The following ATRNL1 variants were observed in gnomAD, a reference collection of about 807,000 sequenced individuals.
ATRNL1 encodes attractin like 1.
ATRNL1 carries 95 observed loss-of-function variants against 182.7 expected under a neutral mutation model. The observed-to-expected ratio is 0.52, with a 90% confidence interval of 0.44 to 0.62. The LOEUF is 0.62. ATRNL1 is among the 20% of genes least tolerant of loss of function. The pLI, the probability that ATRNL1 is intolerant of heterozygous loss-of-function variation, is 0.00. For missense variants in ATRNL1, 1,471 were observed against 1,679.5 expected (o/e 0.88, Z 2.17); for synonymous variants, 576 against 568.3 (o/e 1.01, Z -0.19).
At chr10:115,835,274 C>T (rs1950643643) in intron 27 of ATRNL1, among the ~76,000 whole-genome samples, 2 of 152,044 alleles carry the variant, frequency 1.3e-5, no homozygotes, top group South Asian at 4.1e-4. Context: ...GTGACCTCTT[C>T]CTCTGAAAGC....
At chr10:115,817,463 G>A (rs1950190976) in intron 27 of ATRNL1, among the ~76,000 whole-genome samples, 1 of 151,890 alleles carries the variant, frequency 6.6e-6, no homozygotes, top group South Asian at 2.1e-4. Context: ...CTAGGGCTCA[G>A]GCAAAAATGA....
chr10:115,649,722 C>G (rs1409249569), intron 26 of ATRNL1, among the ~76,000 whole-genome samples: 1 of 152,104 alleles, frequency 6.6e-6, no homozygotes, highest in East Asian at 1.9e-4. Context: ...ATAAAGTACA[C>G]TTTTAAGGGC....
intron 26 of ATRNL1, among the ~76,000 whole-genome samples, chr10:115,677,660 C>T (rs1324824653): frequency 6.6e-6 from 1 of 152,058 alleles, no homozygotes; most frequent in Non-Finnish European, 1.5e-5. Flanking sequence ...GCCTCCCTAG[C>T]TATATGGGAC....
At chr10:115,880,993 C>A (rs1287240131) in intron 28 of ATRNL1, among the ~76,000 whole-genome samples, 1 of 152,136 alleles carries the variant, frequency 6.6e-6, no homozygotes, top group African/African-American at 2.4e-5. Context: ...GTCCTAATCC[C>A]CCCGGGGTGA....
intron 19 of ATRNL1, among the ~76,000 whole-genome samples, chr10:115,387,881 C>T (rs1843747679): frequency 6.6e-6 from 1 of 152,160 alleles, no homozygotes; most frequent in Admixed American, 6.5e-5. Flanking sequence ...ACTCGTATCA[C>T]TACTGTAAAT....
chr10:115,578,397 G>C (rs1377208441), intron 26 of ATRNL1, among the ~76,000 whole-genome samples: 1 of 151,674 alleles, frequency 6.6e-6, no homozygotes, highest in Non-Finnish European at 1.5e-5. Context: ...TTTTGTTGCT[G>C]TTAGGAGGAT....
chr10:115,638,525 T>A (rs140347896), intron 26 of ATRNL1, among the ~76,000 whole-genome samples: 3,105 of 152,270 alleles, frequency 0.02, 58 homozygotes, highest in Middle Eastern at 0.044. Context: ...AAAAAGTAGT[T>A]AGTGGTTTCA....
At chr10:115,824,792 G>A (rs1337626350) in intron 27 of ATRNL1, among the ~76,000 whole-genome samples, 1 of 152,142 alleles carries the variant, frequency 6.6e-6, no homozygotes, top group Admixed American at 6.6e-5. Flanking sequence ...AAATAGGAGC[G>A]CTTGTACACT....
At chr10:115,865,928 G>A (rs1555104667) in intron 28 of ATRNL1, among the ~76,000 whole-genome samples, 2 of 152,122 alleles carry the variant, frequency 1.3e-5, no homozygotes, top group African/African-American at 4.8e-5. Flanking sequence ...TTTTGTTCAT[G>A]AGAATTGCCT....
intron 28 of ATRNL1, among the ~76,000 whole-genome samples, chr10:115,878,833 A>AC (rs1951757001): frequency 6.6e-6 from 1 of 152,186 alleles, no homozygotes; most frequent in South Asian, 2.1e-4. Context: ...CATGGTCTGT[A>AC]CTTGTAGAAA....
intron 27 of ATRNL1, among the ~76,000 whole-genome samples, chr10:115,771,295 A>G (rs1948983780): frequency 6.8e-6 from 1 of 147,776 alleles, no homozygotes; most frequent in Non-Finnish European, 1.5e-5. Flanking sequence ...CAGTGGCACT[A>G]TCTCGGCTCA....
chr10:115,202,132 C>T (rs1407243207), intron 8 of ATRNL1, among the ~76,000 whole-genome samples: 3 of 152,122 alleles, frequency 2.0e-5, no homozygotes, highest in Non-Finnish European at 4.4e-5. Context: ...AGATATTGGG[C>T]TGAGGCAATG....
At chr10:115,491,435 A>G (rs2134657030) in intron 24 of ATRNL1, among the ~76,000 whole-genome samples, 1 of 150,414 alleles carries the variant, frequency 6.6e-6, no homozygotes, top group East Asian at 2.0e-4. Flanking sequence ...TTTTTCAGAG[A>G]TGTCCTGCAC....
chr10:115,139,811 A>C (rs531643668), intron 5 of ATRNL1, among the ~76,000 whole-genome samples: 1 of 152,210 alleles, frequency 6.6e-6, no homozygotes, highest in Non-Finnish European at 1.5e-5. Context: ...CATCTCTAGA[A>C]TGTTCATTAG....
At chr10:115,869,407 C>A (rs1408207551) in intron 28 of ATRNL1, among the ~76,000 whole-genome samples, 2 of 152,094 alleles carry the variant, frequency 1.3e-5, no homozygotes, top group African/African-American at 4.8e-5. Context: ...GAGCTAGGCT[C>A]CTTGGGCAGT....
At chr10:115,200,264 A>C (rs537254234) in intron 8 of ATRNL1, among the ~76,000 whole-genome samples, 1 of 149,866 alleles carries the variant, frequency 6.7e-6, no homozygotes, top group Non-Finnish European at 1.5e-5. Flanking sequence ...TTTAGGGTAC[A>C]TGTGCACAAT....
chr10:115,440,248 T>G (rs572679695), intron 21 of ATRNL1, among the ~76,000 whole-genome samples: 1 of 151,988 alleles, frequency 6.6e-6, no homozygotes, highest in African/African-American at 2.4e-5. Context: ...TGAAATCAAC[T>G]AGTTCCCATT....
chr10:115,246,530 A>T (rs1256723900), intron 10 of ATRNL1, among the ~76,000 whole-genome samples: 1 of 152,028 alleles, frequency 6.6e-6, no homozygotes, highest in African/African-American at 2.4e-5. Flanking sequence ...GAAAAGGATA[A>T]TGGATAATGA....
chr10:115,647,587 C>A (rs1215464525), intron 26 of ATRNL1, among the ~76,000 whole-genome samples: 3 of 151,922 alleles, frequency 2.0e-5, no homozygotes, highest in South Asian at 2.1e-4. Context: ...TGTTGGCTGC[C>A]TAAATGTCTT....
Sources: allele counts gnomAD v4.1 joint callset (sites outside exome capture counted in the v4.1 genomes callset), GRCh38; gene constraint gnomAD v4.1.1; transcripts MANE v1.5; gene names NCBI Gene and HGNC (gene_info 2026-07-23, HGNC 2026-07-21).